SEC24A: variants seen among roughly 807,000 people sequenced by gnomAD.
SEC24A encodes the protein SEC24 homolog A, COPII component.
Under a neutral mutation model 129.4 loss-of-function variants are expected in SEC24A, and 93 were observed. That is an observed-to-expected ratio of 0.72 (90% CI 0.61 to 0.85). The LOEUF (loss-of-function observed/expected upper bound fraction) is 0.85. Among genes scored for constraint, SEC24A ranks in the 40% least tolerant of loss-of-function variants. The probability of loss-of-function intolerance (pLI) is 0.00; values close to 1 mark genes in which losing one functional copy is unlikely to be tolerated. For synonymous variants in SEC24A, 460 were observed against 467.3 expected (o/e 0.98, Z 0.20); for missense variants, 1,264 against 1,307.4 (o/e 0.97, Z 0.51).
chr5:134,652,818 G>C (rs1047735006), intron 1 of SEC24A, among the ~76,000 whole-genome samples: 1 of 150,900 alleles, frequency 6.6e-6, no homozygotes, highest in African/African-American at 2.4e-5. Flanking sequence ...TTTTTGAGAC[G>C]GAGTCTCACT....
At chr5:134,721,424 G>A (rs1026717459) in intron 21 of SEC24A, among the ~76,000 whole-genome samples, 13 of 150,766 alleles carry the variant, frequency 8.6e-5, no homozygotes, top group African/African-American at 2.7e-4. Context: ...TTAGTTGGGC[G>A]TGGTGGCGCA....
chr5:134,703,824 A>G lies in SEC24A; in HGVS notation c.2332A>G (p.Asn778Asp), dbSNP rs1360969652. The G allele has an allele frequency of 1.9e-6, 3 of 1,613,284 alleles. No individual in the cohort carries two copies. Among genetic ancestry groups the G allele is most frequent in the African/African-American group, 2.7e-5 (2 of 74,922 alleles). Residue 778 changes from asparagine (N) to aspartate (D), a missense_variant, in exon 16 of 23, where the codon AAC (asparagine) becomes GAC (aspartate). Physicochemically the swap from Asn to Asp is conservative, Grantham distance 23. Transcript: ENST00000398844. ...VRSTDLLSLP[N>D]VNPDAGYAVQ... ...GTCAACCGACTTACTGTCTTTGCCT[A>G]ACGTCAACCCAGACGCTGGGTATGC...
In SEC24A at chr5:134,698,007, T is replaced by G. The variant is rs762055987; in HGVS notation, c.2216T>G (p.Leu739Arg). 6.2e-7 allele frequency: 1 copy of G among 1,614,010 alleles called. No individual in the cohort carries two copies. The highest frequency in any genetic ancestry group is 8.5e-7 in the Non-Finnish European group (1 of 1,179,968). Residue 739 changes from leucine (L) to arginine (R), a missense_variant, in exon 15 of 23, where the codon CTT becomes CGT. Physicochemically the swap from Leu to Arg is moderately radical, Grantham distance 102 (BLOSUM62 -2). Transcript: ENST00000398844. Reference sequence around the variant, plus strand: ...TTACAGAAGGAACTACAGAGATACCTTACTCGGAAGATTGGCTTTGAGGCA... The same window carrying G: ...TTACAGAAGGAACTACAGAGATACCGTACTCGGAAGATTGGCTTTGAGGCA... The part of the protein sequence containing the change: ...QKLQKELQRY[L>R]TRKIGFEAVM...
Position 134,686,815 on chromosome 5 carries a change from A to G in SEC24A, c.1517A>G (p.Tyr506Cys). ...TTACGACCACCTCAGCCTCCAGTGTATCTCTTTGTATTTGATGTGTCTCAC... is the reference window on the plus strand; with the variant it reads ...TTACGACCACCTCAGCCTCCAGTGTGTCTCTTTGTATTTGATGTGTCTCAC... The part of the protein sequence containing the change: ...YMLRPPQPPV[Y>C]LFVFDVSHNA... The change falls in exon 10 of 23, where the codon TAT (tyrosine) becomes TGT (cysteine). Residue 506 changes from tyrosine (Y) to cysteine (C), a missense_variant. Physicochemically the swap from Tyr to Cys is radical, Grantham distance 194. Coordinates refer to ENST00000398844, the MANE Select transcript of SEC24A (RefSeq NM_021982.3). 1 of 1,606,558 alleles carries G rather than the reference A, an allele frequency of 6.2e-7. No homozygotes were observed. Among genetic ancestry groups the G allele is most frequent in the Non-Finnish European group, 8.5e-7 (1 of 1,176,902 alleles).
chr5:134,686,806 C>A lies in SEC24A; in HGVS notation c.1508C>A (p.Pro503His). Residue 503 changes from proline to histidine, a missense_variant, in exon 10 of 23, where the codon CCT becomes CAT. Coordinates refer to ENST00000398844, the MANE Select transcript of SEC24A (RefSeq NM_021982.3). Reference protein sequence around the residue: ...PSEYMLRPPQPPVYLFVFDVS... With the variant: ...PSEYMLRPPQHPVYLFVFDVS... The stretch of plus-strand genomic sequence containing the variant: ...TTTCTTCAGTTACGACCACCTCAGC[C>A]TCCAGTGTATCTCTTTGTATTTGAT... 2 of 1,600,178 alleles carry A rather than the reference C, an allele frequency of 1.2e-6. No individual in the cohort carries two copies. The highest frequency in any genetic ancestry group is 3.5e-5 in the Admixed American group (2 of 57,490).
At chr5:134,677,496 G>A (rs1477112536) in intron 7 of SEC24A, among the ~76,000 whole-genome samples, 4 of 144,386 alleles carry the variant, frequency 2.8e-5, no homozygotes, top group Non-Finnish European at 6.0e-5. Flanking sequence ...AAGAAGCAGA[G>A]TCTTAACTGC....
chr5:134,693,219 G>A (rs1333369940), intron 12 of SEC24A: 5 of 1,498,802 alleles, frequency 3.3e-6, no homozygotes, highest in Non-Finnish European at 3.5e-6. Flanking sequence ...AATGGTGACT[G>A]TGCCATAGTG....
intron 1 of SEC24A, among the ~76,000 whole-genome samples, chr5:134,650,753 A>G (rs191267971): frequency 1.2e-4 from 18 of 151,200 alleles, no homozygotes; most frequent in African/African-American, 4.4e-4. Context: ...TTCCATTTCT[A>G]CAGGGTTTTT....
At chr5:134,672,861 G>A (rs183250347) in intron 4 of SEC24A, among the ~76,000 whole-genome samples, 2 of 151,614 alleles carry the variant, frequency 1.3e-5, no homozygotes, top group African/African-American at 4.8e-5. Flanking sequence ...CACCCTCCCT[G>A]AGTAGCAGGG....
chr5:134,682,537 T>C, intron 9 of SEC24A, 55 bp downstream of exon 9: 1 of 890,088 alleles, frequency 1.1e-6, no homozygotes, highest in Non-Finnish European at 1.8e-6. Context: ...AGGTTTTAAG[T>C]AAAACAATAC....
chr5:134,649,280 GT>G, intron 1 of SEC24A, 107 bp downstream of exon 1: 1 of 779,146 alleles, frequency 1.3e-6, no homozygotes. Flanking sequence ...TCCTTACCGG[GT>G]TCTGGCGCGG....
In SEC24A at chr5:134,676,332, G is replaced by C. The variant is rs553601688; in HGVS notation, c.1254+207G>C. Among the ~76,000 whole-genome samples the C allele has an allele frequency of 2.6e-5, 4 of 151,314 alleles. No homozygotes were observed. The East Asian group carries it at 7.7e-4, about 29-fold the overall frequency. On this transcript the variant is annotated intron_variant, in intron 7 of 22. Coordinates refer to ENST00000398844, the MANE Select transcript of SEC24A (RefSeq NM_021982.3). ...TTTTTGTATTTTTAGTAGAGAGGGGGTTTCACCATCTTGGCCAGGCTGGTC... is the reference window on the plus strand; with the variant it reads ...TTTTTGTATTTTTAGTAGAGAGGGGCTTTCACCATCTTGGCCAGGCTGGTC...
At position 134,725,469 on chromosome 5, in the gene SEC24A, C is replaced by T. The variant is rs936365236; in HGVS notation, c.*375C>T. The T allele has an allele frequency of 6.4e-6, 1 of 155,966 alleles. No homozygotes were observed. The highest frequency in any genetic ancestry group is 2.4e-5 in the African/African-American group (1 of 41,554). The allele number at this position is 155,966 out of a possible 1,614,324, so 9.7% of individuals were successfully genotyped here. On this transcript the variant is annotated 3_prime_UTR_variant, in exon 23 of 23. Coordinates refer to ENST00000398844, the MANE Select transcript of SEC24A (RefSeq NM_021982.3). ...AATTTTTCTGAATCTTTGGCTGCTA[C>T]ATTTAAAACCTCACAAACCTAAGTG...
chr5:134,718,871 G>A (rs574093888), intron 20 of SEC24A, among the ~76,000 whole-genome samples: 36 of 151,562 alleles, frequency 2.4e-4, no homozygotes, highest in African/African-American at 8.7e-4. Context: ...TTGGGAAGCC[G>A]AGGCAGGAGA....
intron 11 of SEC24A, among the ~76,000 whole-genome samples, chr5:134,691,595 C>T (rs1352318501): frequency 6.6e-5 from 10 of 150,610 alleles, no homozygotes; most frequent in East Asian, 3.9e-4. Flanking sequence ...CTCCGCCTCC[C>T]GGGTTCAAGT....
chr5:134,688,392 T>C (rs1346797517), intron 11 of SEC24A, 93 bp downstream of exon 11: 1 of 746,448 alleles, frequency 1.3e-6, no homozygotes, highest in Non-Finnish European at 2.3e-6. Context: ...TTGTAGTATG[T>C]CAAGGAAAAT....
intron 12 of SEC24A, chr5:134,693,099 T>C: frequency 6.5e-7 from 1 of 1,535,584 alleles, no homozygotes; most frequent in Admixed American, 2.0e-5. Context: ...GATAATACAG[T>C]GAGAGGTGAA....
rs773593353 is a variant in SEC24A, at chr5:134,727,617, C to A, written c.*2523C>A. The A allele has an allele frequency of 4.6e-5, 7 of 152,446 alleles. No individual in the cohort carries two copies. The highest frequency in any genetic ancestry group is 1.0e-4 in the Non-Finnish European group (7 of 67,980). 9.4% of individuals were successfully genotyped at this position (152,446 alleles called of 1,614,324 possible). ...GATTTCAAAATTTTGTTAACTATTACAAATGTAATCCTTATATAGAAATTT... is the reference window on the plus strand; with the variant it reads ...GATTTCAAAATTTTGTTAACTATTAAAAATGTAATCCTTATATAGAAATTT... On this transcript the variant is annotated 3_prime_UTR_variant, in exon 23 of 23. Transcript: ENST00000398844.
At chr5:134,707,840 A>C (rs780553504) in intron 17 of SEC24A, among the ~76,000 whole-genome samples, 4 of 152,108 alleles carry the variant, frequency 2.6e-5, no homozygotes, top group African/African-American at 4.8e-5. Flanking sequence ...TTAAGTATTG[A>C]AAGAATGTTT....
Sources: gnomAD v4.1 joint callset for allele counts (sites outside exome capture counted in the v4.1 genomes callset) on GRCh38, gnomAD v4.1.1 for gene constraint, MANE v1.5 for transcripts, NCBI Gene and HGNC (gene_info 2026-07-23, HGNC 2026-07-21) for gene names.